Variants in RNF7 observed in about 807,000 individuals in gnomAD.
RNF7 encodes RING-box protein 2.
Under a neutral mutation model 17.0 loss-of-function variants are expected in RNF7, and 9 were observed. The ratio of observed to expected loss-of-function variants is 0.53; its 90% CI spans 0.32 to 0.92. RNF7 has a LOEUF of 0.92. Ranked by LOEUF, RNF7 falls within the 40% of genes least tolerant of loss-of-function variation. RNF7 has a pLI of 0.04. For missense variants in RNF7, 87 were observed against 145.8 expected, an observed-to-expected ratio of 0.60 and a Z score of 2.08; for synonymous variants, 59 against 50.5, an observed-to-expected ratio of 1.17 and a Z score of -0.72.
In RNF7 at chr3:141,747,446, C is replaced by T. The variant is rs992158704; in HGVS notation, c.*2169C>T. On this transcript the variant is annotated 3_prime_UTR_variant, in exon 3 of 3. Coordinates refer to ENST00000273480, the MANE Select transcript of RNF7 (RefSeq NM_014245.5). ...TGCAAATTGTGTTATTACAGCTGAC[C>T]GCTATCAGTAAATCTTAATTCTGTC... is the stretch of plus-strand genomic sequence containing the variant. 2 of 152,082 alleles carry T rather than the reference C, an allele frequency of 1.3e-5. No homozygotes were observed. Among genetic ancestry groups the T allele is most frequent in the East Asian group, 1.9e-4 (1 of 5,204 alleles). 9.4% of individuals were successfully genotyped at this position (152,082 alleles called of 1,614,324 possible).
intron 2 of RNF7, 67 bp from the exon 3 acceptor site, chr3:141,745,092 C>A: frequency 2.2e-6 from 2 of 915,450 alleles, no homozygotes; most frequent in Non-Finnish European, 3.4e-6. Context: ...ATAAAATAAG[C>A]TATAATTTTG....
chr3:141,744,466 A>C (rs2084452642), intron 2 of RNF7, among the ~76,000 whole-genome samples: 1 of 152,086 alleles, frequency 6.6e-6, no homozygotes, highest in South Asian at 2.1e-4. Context: ...ATTGCATTCT[A>C]GATTGTGGAT....
chr3:141,738,361 G>C lies in RNF7; in HGVS notation c.20G>C (p.Gly7Ala), dbSNP rs926374580. 6.3e-7 allele frequency: 1 copy of C among 1,582,588 alleles called. No homozygotes were observed. Among genetic ancestry groups the C allele is most frequent in the Non-Finnish European group, 8.6e-7 (1 of 1,164,860 alleles). Residue 7 changes from glycine to alanine, a missense_variant, in exon 1 of 3, where the codon GGA becomes GCA. By Grantham distance (60) the Gly-to-Ala change is moderately conservative (BLOSUM62 0). This residue lies in a region of RNF7 where 51 missense variants were observed against 41.0 expected (regional missense o/e 1.24). Transcript: ENST00000273480. Reference sequence around the variant, plus strand: ...GCCGCCATGGCCGACGTGGAAGACGGAGAGGAAACCTGCGCCCTGGCCTCT... The same window carrying C: ...GCCGCCATGGCCGACGTGGAAGACGCAGAGGAAACCTGCGCCCTGGCCTCT... The part of the protein sequence containing the change: MADVED[G>A]EETCALASHS...
Position 141,743,574 on chromosome 3 carries a change from T to C in RNF7, c.223+18T>C. The C allele has an allele frequency of 2.5e-6, 4 of 1,595,126 alleles. No individual in the cohort carries two copies. The highest frequency in any genetic ancestry group is 3.4e-6 in the Non-Finnish European group (4 of 1,170,208). On this transcript the variant is annotated intron_variant, in intron 2 of 2. Coordinates refer to ENST00000273480, the MANE Select transcript of RNF7 (RefSeq NM_014245.5). ...CTGTGTTGGTATGTTGTAATTTTGT[T>C]CTCTTGCTTTTTCAACTGAAGGTTT...
chr3:141,746,846 C>G lies in RNF7; in HGVS notation c.*1569C>G, dbSNP rs2084479690. 6.6e-6 allele frequency: 1 copy of G among 152,144 alleles called. No homozygotes were observed. Among genetic ancestry groups the G allele is most frequent in the Admixed American group, 6.5e-5 (1 of 15,270 alleles). The allele number at this position is 152,144 out of a possible 1,614,324, so 9.4% of individuals were successfully genotyped here. On this transcript the variant is annotated 3_prime_UTR_variant, in exon 3 of 3. Coordinates refer to ENST00000273480, the MANE Select transcript of RNF7 (RefSeq NM_014245.5). ...TGATCACATTTCTCTGGAAATTTTT[C>G]TTTATATTTTTTCACAGTTGTCTTT...
Position 141,746,316 on chromosome 3 carries a change from A to G in RNF7, c.*1039A>G, listed in dbSNP as rs1559833148. Reference sequence around the variant, plus strand: ...TAACTGTGTTTTAGGTAACATGTTAATGAGGGAAAATGTTTACCAGTGTAG... The same window carrying G: ...TAACTGTGTTTTAGGTAACATGTTAGTGAGGGAAAATGTTTACCAGTGTAG... On this transcript the variant is annotated 3_prime_UTR_variant, in exon 3 of 3. Coordinates refer to ENST00000273480, the MANE Select transcript of RNF7 (RefSeq NM_014245.5). 1 of 152,178 alleles carries G rather than the reference A, an allele frequency of 6.6e-6. No individual in the cohort carries two copies. The highest frequency in any genetic ancestry group is 1.5e-5 in the Non-Finnish European group (1 of 68,036). 9.4% of individuals were successfully genotyped at this position (152,178 alleles called of 1,614,324 possible). A position where few individuals can be genotyped will look rare whatever the true frequency, so the allele number is the denominator to read the frequency against.
chr3:141,742,747 C>T lies in RNF7; in HGVS notation c.176-762C>T, dbSNP rs1396811985. ...CTGGCTCCACAGCCCTCGCTGTCCCCTCTGTCTCACTGGCTTCTCACCAGC... is the reference window on the plus strand; with the variant it reads ...CTGGCTCCACAGCCCTCGCTGTCCCTTCTGTCTCACTGGCTTCTCACCAGC... On this transcript the variant is annotated intron_variant, in intron 1 of 2. Coordinates refer to ENST00000273480, the MANE Select transcript of RNF7 (RefSeq NM_014245.5). 3.9e-6 allele frequency: 5 copies of T among 1,285,172 alleles called. No homozygotes were observed. The Admixed American group carries it at 1.2e-4, about 30-fold the overall frequency. The allele number at this position is 1,285,172 out of a possible 1,614,324, so 79.6% of individuals were successfully genotyped here. A position where few individuals can be genotyped will look rare whatever the true frequency, so the allele number is the denominator to read the frequency against.
rs2084486146 is a variant in RNF7, at chr3:141,747,522, A to T, written c.*2245A>T. ...AAATACTGTGTCCCCCTTTACTGTC[A>T]TGAAGTGAAATTCATAAATATATTT... is the stretch of plus-strand genomic sequence containing the variant. On this transcript the variant is annotated 3_prime_UTR_variant, in exon 3 of 3. Coordinates refer to ENST00000273480, the MANE Select transcript of RNF7 (RefSeq NM_014245.5). The T allele has an allele frequency of 6.6e-6, 1 of 152,244 alleles. No individual in the cohort carries two copies. Among genetic ancestry groups the T allele is most frequent in the African/African-American group, 2.4e-5 (1 of 41,462 alleles). 9.4% of individuals were successfully genotyped at this position (152,244 alleles called of 1,614,324 possible). A position where few individuals can be genotyped will look rare whatever the true frequency, so the allele number is the denominator to read the frequency against.
At chr3:141,743,627 A>T in intron 2 of RNF7, 71 bp downstream of exon 2, 1 of 1,118,960 alleles carries the variant, frequency 8.9e-7, no homozygotes, top group Admixed American at 2.1e-5. Flanking sequence ...TTGAATTTGA[A>T]ATTAAGATTG....
intron 2 of RNF7, among the ~76,000 whole-genome samples, chr3:141,743,865 T>G (rs567669262): frequency 6.6e-6 from 1 of 152,180 alleles, no homozygotes; most frequent in South Asian, 2.1e-4. Flanking sequence ...GTCAAAACAT[T>G]ATTTGAATTT....
intron 1 of RNF7, chr3:141,742,544 G>T: frequency 9.8e-7 from 1 of 1,017,146 alleles, no homozygotes; most frequent in Non-Finnish European, 1.3e-6. Context: ...AGTGTTTAGG[G>T]ATATCTAGTA....
At chr3:141,743,611 G>A in intron 2 of RNF7, 55 bp downstream of exon 2, 1 of 1,281,582 alleles carries the variant, frequency 7.8e-7, no homozygotes, top group South Asian at 1.3e-5. Context: ...CTCTCAGTAG[G>A]GATGTTTGAA....
intron 1 of RNF7, 22 bp downstream of exon 1, chr3:141,738,538 A>G (rs2084381412): frequency 6.3e-7 from 1 of 1,582,896 alleles, no homozygotes. Flanking sequence ...ACGCGAGTCC[A>G]GGGCCGCCCT....
At chr3:141,742,665 A>G (rs754826463) in intron 1 of RNF7, 11 of 1,155,106 alleles carry the variant, frequency 9.5e-6, no homozygotes, top group Non-Finnish European at 1.3e-5. Flanking sequence ...GGAGTTCGTA[A>G]TTGGTCCGAG....
chr3:141,738,560 G>C (rs745709011), intron 1 of RNF7, 44 bp downstream of exon 1: 36 of 1,547,916 alleles, frequency 2.3e-5, no homozygotes, highest in East Asian at 2.4e-5. Flanking sequence ...CGGCCTCCGG[G>C]AGCCGACCTC....
chr3:141,744,557 TTTC>T (rs2084453282), intron 2 of RNF7, among the ~76,000 whole-genome samples: 4 of 152,160 alleles, frequency 2.6e-5, no homozygotes, highest in African/African-American at 7.2e-5. Flanking sequence ...GGCAGGCCAC[TTTC>T]TTTGATCACA....
intron 1 of RNF7, among the ~76,000 whole-genome samples, chr3:141,739,709 G>A (rs1190227059): frequency 2.0e-5 from 3 of 152,140 alleles, no homozygotes; most frequent in Non-Finnish European, 4.4e-5. Flanking sequence ...CTAAGGGCTT[G>A]TTTCAAAGAG....
At chr3:141,740,761 A>G (rs2084407907) in intron 1 of RNF7, among the ~76,000 whole-genome samples, 1 of 152,182 alleles carries the variant, frequency 6.6e-6, no homozygotes, top group Non-Finnish European at 1.5e-5. Flanking sequence ...CTGAAACTTT[A>G]GGAATTTGTG....
At chr3:141,738,759 T>G (rs2084385057) in intron 1 of RNF7, among the ~76,000 whole-genome samples, 1 of 152,240 alleles carries the variant, frequency 6.6e-6, no homozygotes. Flanking sequence ...GGGTGGTTGG[T>G]GTTCTAGGGA....
Sources: gnomAD v4.1 joint callset for allele counts (sites outside exome capture counted in the v4.1 genomes callset) on GRCh38, gnomAD v4.1.1 for gene constraint, gnomAD v4.1.1 regional missense constraint, MANE v1.5 for transcripts, NCBI Gene and HGNC (gene_info 2026-07-23, HGNC 2026-07-21) for gene names.